Variants in FN1 observed in about 807,000 individuals in gnomAD.
The protein encoded by FN1 is fibronectin 1.
In FN1, 106 loss-of-function variants were observed where a neutral mutation model predicts 297.3. That is an observed-to-expected ratio of 0.36 (90% CI 0.30 to 0.42). The LOEUF (loss-of-function observed/expected upper bound fraction) is 0.42. Ranked by LOEUF, FN1 falls within the 10% of genes least tolerant of loss-of-function variation. The pLI is 1.00. For missense variants in FN1, 2,690 were observed against 3,124.9 expected (o/e 0.86, Z 3.32); for synonymous variants, 1,149 against 1,152.6 (o/e 1.00, Z 0.06).
rs1031440675 is a variant in FN1, at chr2:215,409,611, G to A, written c.2251C>T (p.Arg751Trp). The change falls in exon 15 of 46, where the codon CGG (arginine) becomes TGG (tryptophan). Residue 751 changes from arginine (R) to tryptophan (W), a missense_variant. Coordinates refer to ENST00000354785, the MANE Select transcript of FN1 (RefSeq NM_212482.4). ...TCCTCACTCAGCTCATATTCCACCCGGAATCCCGACACGGTGTCGGAAGCT... is the reference window on the plus strand; with the variant it reads ...TCCTCACTCAGCTCATATTCCACCCAGAATCCCGACACGGTGTCGGAAGCT... Reference protein sequence around the residue: ...VSASDTVSGFRVEYELSEEGD... With the variant: ...VSASDTVSGFWVEYELSEEGD... 8 of 1,613,826 alleles carry A rather than the reference G, an allele frequency of 5.0e-6. No homozygotes were observed. The highest frequency in any genetic ancestry group is 1.7e-4 in the Middle Eastern group (1 of 6,036).
chr2:215,401,242 G>GAAAGAAAA (rs1559475398), intron 20 of FN1, among the ~76,000 whole-genome samples: 4 of 59,618 alleles, frequency 6.7e-5, no homozygotes, highest in African/African-American at 2.5e-4. Flanking sequence ...AAGAAAGAAA[G>GAAAGAAAA]AAAGAAAGGA....
At chr2:215,412,677 A>G (rs2106329954) in intron 13 of FN1, among the ~76,000 whole-genome samples, 1 of 151,450 alleles carries the variant, frequency 6.6e-6, no homozygotes, top group South Asian at 2.1e-4. Flanking sequence ...AGAATCTTGG[A>G]CATTCCCAGT....
At chr2:215,415,342 C>G (rs910111537) in intron 12 of FN1, among the ~76,000 whole-genome samples, 12 of 152,034 alleles carry the variant, frequency 7.9e-5, no homozygotes, top group African/African-American at 2.7e-4. Context: ...TGTATTGAGC[C>G]TCTTTTAAAG....
At chr2:215,425,459 G>C (rs1175251012) in intron 6 of FN1, among the ~76,000 whole-genome samples, 174 bp from the exon 7 acceptor site, 1 of 152,160 alleles carries the variant, frequency 6.6e-6, no homozygotes, top group Non-Finnish European at 1.5e-5. Flanking sequence ...ATTTAGCCTA[G>C]GAAATAATCC....
chr2:215,404,299 G>GTTT, intron 20 of FN1, 90 bp downstream of exon 20: 2 of 1,080,208 alleles, frequency 1.9e-6, no homozygotes, highest in East Asian at 2.3e-5. Flanking sequence ...ATTTTTTAAT[G>GTTT]TTTTTTTTGT....
In FN1 at chr2:215,378,196, C is replaced by T. The variant is rs1213067767; in HGVS notation, c.5689G>A (p.Gly1897Arg). Residue 1897 changes from glycine to arginine, a missense_variant, in exon 35 of 46, where the codon GGA becomes AGA. Around this residue, in one of 3 missense-constraint regions of FN1, gnomAD observed 1,743 missense variants for 1,945.2 expected, o/e 0.90. Transcript: ENST00000354785. ...KDTLTSRPAQGVVTTLENVSP... is the reference protein window; with the variant it reads ...KDTLTSRPAQRVVTTLENVSP... Reference sequence around the variant, plus strand: ...TTACTCTCCAGAGTGGTGACAACTCCCTGAGCTGGTCTGCTTGTCAAAGTG... The same window carrying T: ...TTACTCTCCAGAGTGGTGACAACTCTCTGAGCTGGTCTGCTTGTCAAAGTG... 17 of 1,608,608 alleles carry T rather than the reference C, an allele frequency of 1.1e-5. No homozygotes were observed. The highest frequency in any genetic ancestry group is 1.4e-5 in the Non-Finnish European group (16 of 1,175,296).
chr2:215,416,881 G>C (rs1234672952), intron 12 of FN1, among the ~76,000 whole-genome samples: 1 of 152,176 alleles, frequency 6.6e-6, no homozygotes, highest in Non-Finnish European at 1.5e-5. Context: ...GGTCCCTTTT[G>C]CTTTCATAAG....
At chr2:215,377,041 TG>T (rs2057393802) in intron 35 of FN1, among the ~76,000 whole-genome samples, 2 of 614 alleles carry the variant, frequency 3.3e-3, no homozygotes, top group Admixed American at 0.042. Flanking sequence ...CTAACAATTT[TG>T]TGTGTGTGTG....
intron 20 of FN1, among the ~76,000 whole-genome samples, chr2:215,400,770 A>G (rs1020102302): frequency 6.6e-6 from 1 of 150,546 alleles, no homozygotes; most frequent in African/African-American, 2.4e-5. Flanking sequence ...AAAAAAAAAA[A>G]AAAAAGAAAG....
chr2:215,406,570 CCAGT>C, intron 18 of FN1, 60 bp from the exon 19 acceptor site: 1 of 1,567,900 alleles, frequency 6.4e-7, no homozygotes, highest in Non-Finnish European at 8.7e-7. Context: ...TTTTAAGAAG[CCAGT>C]TTCTTGGATA....
Position 215,412,755 on chromosome 2 carries a change from A to C in FN1, c.1941+2082T>G, listed in dbSNP as rs548846889. On this transcript the variant is annotated intron_variant, in intron 13 of 45. Transcript: ENST00000354785. ...ATTTGTAATTTAAAGTATTATATTA[A>C]GTATCTTTTTTTTTTTTTTTTTTTT... Among the ~76,000 whole-genome samples the C allele has an allele frequency of 1.0e-4, 9 of 87,734 alleles. 2 individuals are homozygous for C. The South Asian group carries it at 2.9e-3, about 28-fold the overall frequency. The allele number at this position is 87,734 out of a possible 152,430, so 57.6% of individuals were successfully genotyped here. A position where few individuals can be genotyped will look rare whatever the true frequency, so the allele number is the denominator to read the frequency against.
chr2:215,420,358 CAA>C (rs763236393), intron 11 of FN1, among the ~76,000 whole-genome samples: 93 of 134,646 alleles, frequency 6.9e-4, no homozygotes, highest in African/African-American at 1.4e-3. Context: ...AAAACAAAAA[CAA>C]AAACAAACAA....
chr2:215,418,359 C>T (rs2063726498), intron 12 of FN1, among the ~76,000 whole-genome samples: 1 of 152,174 alleles, frequency 6.6e-6, no homozygotes, highest in Admixed American at 6.5e-5. Flanking sequence ...CCAAGTTGTT[C>T]CCATAGCTTG....
At position 215,373,386 on chromosome 2, in the gene FN1, T is replaced by G. The variant is rs1379543213; in HGVS notation, c.6183A>C (p.Thr2061=). The part of the protein sequence containing the change: ...ITGLEPGTEY[T]IYVIALKNNQ... ...TATTCTTCAGGGCAATGACATAAATTGTATATTCGGTTCCCGGTTCCAGGC... is the reference window on the plus strand; with the variant it reads ...TATTCTTCAGGGCAATGACATAAATGGTATATTCGGTTCCCGGTTCCAGGC... Residue 2061 remains threonine, a synonymous_variant, in exon 39 of 46, where the codon ACA becomes ACC. Coordinates refer to ENST00000354785, the MANE Select transcript of FN1 (RefSeq NM_212482.4). 1 of 1,613,182 alleles carries G rather than the reference T, an allele frequency of 6.2e-7. No individual in the cohort carries two copies. Among genetic ancestry groups the G allele is most frequent in the African/African-American group, 1.3e-5 (1 of 74,862 alleles).
intron 1 of FN1, among the ~76,000 whole-genome samples, 192 bp from the exon 2 acceptor site, chr2:215,435,016 A>C (rs1456571610): frequency 6.6e-6 from 1 of 152,230 alleles, no homozygotes; most frequent in Non-Finnish European, 1.5e-5. Flanking sequence ...AAGGCAGACA[A>C]TTGAAGTCAC....
intron 23 of FN1, 100 bp downstream of exon 23, chr2:215,397,037 A>C (rs1193032197): frequency 2.0e-5 from 17 of 838,158 alleles, no homozygotes; most frequent in Admixed American, 1.9e-4. Flanking sequence ...AAGCATTTGT[A>C]ATTTGAATCC....
chr2:215,422,219 T>C lies in FN1; in HGVS notation c.1418A>G (p.Asn473Ser), dbSNP rs1490153982. Residue 473 changes from asparagine to serine, a missense_variant, in exon 10 of 46, where the codon AAT becomes AGT. By Grantham distance (46) the Asn-to-Ser change is conservative (BLOSUM62 1). Coordinates refer to ENST00000354785, the MANE Select transcript of FN1 (RefSeq NM_212482.4). The part of the protein sequence containing the change: ...MAAHEEICTT[N>S]EGVMYRIGDQ... ...TCCAATGCGGTACATGACCCCTTCA[T>C]TGGTTGTGCAGATTTCCTCGTGGGC... is the stretch of plus-strand genomic sequence containing the variant. The C allele has an allele frequency of 6.2e-7, 1 of 1,614,118 alleles. No individual in the cohort carries two copies. Among genetic ancestry groups the C allele is most frequent in the East Asian group, 2.2e-5 (1 of 44,880 alleles).
At chr2:215,378,466 C>A (rs184711068) in intron 34 of FN1, among the ~76,000 whole-genome samples, 2 of 152,060 alleles carry the variant, frequency 1.3e-5, no homozygotes, top group African/African-American at 2.4e-5. Context: ...ATGCTCTTAG[C>A]GGTTAAGCTT....
chr2:215,384,285 T>C (rs1342128191), intron 29 of FN1, 101 bp from the exon 30 acceptor site: 1 of 1,168,558 alleles, frequency 8.6e-7, no homozygotes, highest in Admixed American at 1.7e-5. Context: ...GTAAATCACA[T>C]CTTCTTGCTT....
Sources: allele counts gnomAD v4.1 joint callset (sites outside exome capture counted in the v4.1 genomes callset), GRCh38; gene constraint gnomAD v4.1.1; regional missense constraint gnomAD v4.1.1; transcripts MANE v1.5; gene names NCBI Gene and HGNC (gene_info 2026-07-23, HGNC 2026-07-21).